The following FRMPD4 variants were observed in gnomAD, a reference collection of about 807,000 sequenced individuals.
FRMPD4 encodes FERM and PDZ domain containing 4, also known as FERM and PDZ domain-containing protein 4.
A neutral mutation model predicts 94.1 loss-of-function variants in FRMPD4; 22 were observed. The ratio of observed to expected loss-of-function variants is 0.23; its 90% CI spans 0.17 to 0.33. FRMPD4 has a LOEUF of 0.33. Ranked by LOEUF, FRMPD4 falls within the 10% of genes least tolerant of loss-of-function variation. The pLI is 1.00. For missense variants in FRMPD4, 1,111 were observed against 1,339.9 expected (o/e 0.83, Z 2.67); for synonymous variants, 631 against 548.6 (o/e 1.15, Z -2.10).
intron 1 of FRMPD4, among the ~76,000 whole-genome samples, chrX:12,199,336 G>C (rs937834920): frequency 2.8e-5 from 3 of 108,883 alleles, no homozygotes; most frequent in Non-Finnish European, 5.7e-5. Context: ...AGCAAGCAGT[G>C]AGCATTGAGC....
chrX:12,345,455 T>A (rs2055691176), intron 1 of FRMPD4, among the ~76,000 whole-genome samples: 2 of 111,926 alleles, frequency 1.8e-5, no homozygotes, highest in Admixed American at 1.9e-4. Context: ...TCAGAAAGGC[T>A]GAGTAGCTTT....
chrX:11,874,146 G>A (rs1229552511), intron 2 of FRMPD4, among the ~76,000 whole-genome samples: 1 of 112,420 alleles, frequency 8.9e-6, no homozygotes, highest in Non-Finnish European at 1.9e-5. Flanking sequence ...GAACAATACA[G>A]TATAACAACT....
At chrX:12,423,539 G>A (rs1239713085) in intron 1 of FRMPD4, among the ~76,000 whole-genome samples, 2 of 111,731 alleles carry the variant, frequency 1.8e-5, no homozygotes, top group Non-Finnish European at 3.8e-5. Context: ...TCCTGTTACT[G>A]TATTATTGTT....
At chrX:12,671,672 C>T (rs761348534) in intron 4 of FRMPD4, among the ~76,000 whole-genome samples, 21 of 110,313 alleles carry the variant, frequency 1.9e-4, no homozygotes, top group East Asian at 5.6e-4. Flanking sequence ...CACCATGGTA[C>T]GTGTATACCT....
At chrX:12,400,983 T>G (rs1433351188) in intron 1 of FRMPD4, among the ~76,000 whole-genome samples, 1 of 112,236 alleles carries the variant, frequency 8.9e-6, no homozygotes, top group Non-Finnish European at 1.9e-5. Context: ...CCCCTTAACT[T>G]AAGCCAGATC....
intron 1 of FRMPD4, among the ~76,000 whole-genome samples, chrX:12,158,806 C>T (rs754361796): frequency 9.0e-6 from 1 of 111,661 alleles, no homozygotes; most frequent in African/African-American, 3.3e-5. Flanking sequence ...TTTTGGTGAT[C>T]GTATTTGTTT....
chrX:12,210,925 G>A (rs985777654), intron 1 of FRMPD4, among the ~76,000 whole-genome samples: 1 of 112,207 alleles, frequency 8.9e-6, no homozygotes, highest in Admixed American at 9.4e-5. Context: ...GTCAAAACTA[G>A]GCATTTTTTA....
chrX:11,871,314 C>G (rs780388505), intron 2 of FRMPD4, among the ~76,000 whole-genome samples: 1 of 111,979 alleles, frequency 8.9e-6, no homozygotes, highest in East Asian at 2.8e-4. Flanking sequence ...ATCTCAGGGT[C>G]TGCATCTGGG....
At chrX:12,645,347 C>CTTTTTTTTTTTT (rs138817056) in intron 4 of FRMPD4, among the ~76,000 whole-genome samples, 6 of 55,642 alleles carry the variant, frequency 1.1e-4, no homozygotes, top group African/African-American at 5.2e-4. Context: ...CACTCTCACT[C>CTTTTTTTTTTTT]TTTTTTTTTT....
intron 3 of FRMPD4, among the ~76,000 whole-genome samples, chrX:12,079,635 C>T (rs1255293182): frequency 6.2e-5 from 7 of 112,023 alleles, no homozygotes; most frequent in Non-Finnish European, 1.9e-5. Flanking sequence ...AGTACTGGCA[C>T]TCATGAAAGA....
At chrX:12,609,575 G>A (rs1259697199) in intron 2 of FRMPD4, 146 bp from the exon 3 acceptor site, 9 of 491,827 alleles carry the variant, frequency 1.8e-5, no homozygotes, top group East Asian at 3.7e-5. Context: ...AGTAGGCCAC[G>A]AAAGAAGCAT....
In FRMPD4 at chrX:11,982,883, C is replaced by T. The variant is rs1455427035; in HGVS notation, c.95+104865C>T. Among the ~76,000 whole-genome samples, 5 of 111,579 alleles carry T rather than the reference C, an allele frequency of 4.5e-5. No individual in the cohort carries two copies. The East Asian group carries it at 8.4e-4, about 19-fold the overall frequency. On this transcript the variant is annotated intron_variant, in intron 3 of 18. Transcript: ENST00000640291. ...GATCTGCTGATTTTAATATCTGAAG[C>T]GGGTCTGATTCTGCTGTCTTATTTC...
At chrX:12,601,279 C>T (rs192558922) in intron 2 of FRMPD4, among the ~76,000 whole-genome samples, 1 of 111,792 alleles carries the variant, frequency 8.9e-6, no homozygotes, top group African/African-American at 3.3e-5. Context: ...CCACAGTATG[C>T]GTATTTATGA....
chrX:11,961,161 G>C (rs749598781), intron 3 of FRMPD4, among the ~76,000 whole-genome samples: 1 of 111,956 alleles, frequency 8.9e-6, no homozygotes, highest in East Asian at 2.8e-4. Flanking sequence ...GCCATACTAT[G>C]AAACCCTGAA....
chrX:12,257,769 T>C (rs758244175), intron 1 of FRMPD4, among the ~76,000 whole-genome samples: 1 of 111,840 alleles, frequency 8.9e-6, no homozygotes, highest in South Asian at 3.8e-4. Context: ...AAAACTATTT[T>C]AAGTAGTACA....
intron 1 of FRMPD4, among the ~76,000 whole-genome samples, chrX:12,337,790 C>T (rs73632676): frequency 0.011 from 1,222 of 112,393 alleles, 17 homozygotes; most frequent in African/African-American, 0.038. Flanking sequence ...GTTCTAGCTT[C>T]ATAAAATAAT....
intron 3 of FRMPD4, among the ~76,000 whole-genome samples, chrX:11,970,101 A>C (rs17255684): frequency 0.012 from 1,330 of 111,722 alleles, 6 homozygotes; most frequent in Non-Finnish European, 0.017. Context: ...TGGCACCAAG[A>C]GTGTAGGCAA....
intron 2 of FRMPD4, among the ~76,000 whole-genome samples, chrX:12,525,087 C>G (rs2058208426): frequency 9.0e-6 from 1 of 111,155 alleles, no homozygotes; most frequent in African/African-American, 3.3e-5. Context: ...GCGCTACAGT[C>G]TGACGGAGGA....
chrX:12,152,571 G>A (rs909734007), intron 1 of FRMPD4, among the ~76,000 whole-genome samples: 2 of 110,846 alleles, frequency 1.8e-5, no homozygotes, highest in African/African-American at 3.3e-5. Context: ...AATCAACCCC[G>A]GAGAAAATAT....
Sources: gnomAD v4.1 joint callset for allele counts (sites outside exome capture counted in the v4.1 genomes callset) on GRCh38, gnomAD v4.1.1 for gene constraint, MANE v1.5 for transcripts, NCBI Gene and HGNC (gene_info 2026-07-23, HGNC 2026-07-21) for gene names.